Variants in LARGE1 observed in about 807,000 individuals in gnomAD.
LARGE1 encodes the protein xylosyl- and glucuronyltransferase LARGE1.
A neutral mutation model predicts 87.6 loss-of-function variants in LARGE1; 43 were observed. The observed-to-expected ratio is 0.49, with a 90% CI of 0.38 to 0.63. The LOEUF (loss-of-function observed/expected upper bound fraction) is 0.63, where lower values mean the gene tolerates loss of function less well. Ranked by LOEUF, LARGE1 falls within the 30% of genes least tolerant of loss-of-function variation. The pLI is 0.00. For synonymous variants in LARGE1, 434 were observed against 394.6 expected, an observed-to-expected ratio of 1.10 and a Z score of -1.18; for missense variants, 802 against 1,000.2, an observed-to-expected ratio of 0.80 and a Z score of 2.67.
At chr22:33,919,691 G>A (rs982644023) in intron 1 of LARGE1, among the ~76,000 whole-genome samples, 5 of 152,270 alleles carry the variant, frequency 3.3e-5, no homozygotes, top group Admixed American at 2.6e-4. Context: ...CAAGAGGGCC[G>A]GGGGTGCGGG....
At chr22:33,517,810 C>A (rs888430423) in intron 6 of LARGE1, among the ~76,000 whole-genome samples, 3 of 152,178 alleles carry the variant, frequency 2.0e-5, no homozygotes, top group Non-Finnish European at 4.4e-5. Flanking sequence ...CTCAGTCCTG[C>A]ACTATGTCTG....
At chr22:33,690,538 C>T (rs1603162518) in intron 2 of LARGE1, among the ~76,000 whole-genome samples, 1 of 152,060 alleles carries the variant, frequency 6.6e-6, no homozygotes, top group Non-Finnish European at 1.5e-5. Flanking sequence ...ACACCTCATG[C>T]TCCTTCTACT....
intron 11 of LARGE1, among the ~76,000 whole-genome samples, chr22:33,182,107 C>T (rs754205409): frequency 6.1e-4 from 93 of 152,226 alleles, no homozygotes; most frequent in African/African-American, 2.2e-3. Context: ...TAGGCGTGAG[C>T]CACCGCACCC....
chr22:33,690,324 C>T (rs932087709), intron 2 of LARGE1, among the ~76,000 whole-genome samples: 2 of 152,204 alleles, frequency 1.3e-5, no homozygotes, highest in Non-Finnish European at 2.9e-5. Context: ...AAGATAATGG[C>T]CCCCATCTCA....
At chr22:33,284,760 TAG>T (rs1931192224) in intron 12 of LARGE1, among the ~76,000 whole-genome samples, 1 of 152,138 alleles carries the variant, frequency 6.6e-6, no homozygotes, top group Non-Finnish European at 1.5e-5. Context: ...GTATTTTTAG[TAG>T]AGACTGGGTT....
chr22:33,840,622 A>G (rs749637884), intron 1 of LARGE1, among the ~76,000 whole-genome samples: 13 of 152,056 alleles, frequency 8.5e-5, no homozygotes, highest in Admixed American at 3.9e-4. Context: ...CCCTAGATAT[A>G]AGGTAAGTAC....
intron 2 of LARGE1, among the ~76,000 whole-genome samples, chr22:33,700,601 G>A (rs988104475): frequency 6.6e-6 from 1 of 152,208 alleles, no homozygotes; most frequent in African/African-American, 2.4e-5. Context: ...AGGTGAAGAA[G>A]CTGTTCAGAG....
intron 5 of LARGE1, among the ~76,000 whole-genome samples, chr22:33,580,658 A>G (rs1268959921): frequency 6.6e-6 from 1 of 152,192 alleles, no homozygotes; most frequent in Non-Finnish European, 1.5e-5. Context: ...TATACAATGT[A>G]AGGGCAACAC....
downstream of LARGE1, among the ~76,000 whole-genome samples, chr22:33,157,419 T>G (rs940051456): frequency 6.6e-6 from 1 of 152,226 alleles, no homozygotes. Context: ...ACCAATTTCT[T>G]TGCATGGCTT....
chr22:33,524,478 C>T (rs1030569670), intron 6 of LARGE1, among the ~76,000 whole-genome samples: 5 of 151,978 alleles, frequency 3.3e-5, no homozygotes, highest in Non-Finnish European at 7.4e-5. Flanking sequence ...AATTTGTTTA[C>T]TTGAGCAAAA....
rs1299181639 is a variant in LARGE1 at position 33,384,869 on chromosome 22, T to C, written c.893-565A>G. On this transcript the variant is annotated intron_variant, in intron 7 of 14. Transcript: ENST00000397394. ...TCTCTCCTGTGTTTTTCCCCAGAGA[T>C]ATGACCACCTACCTAGGTTGAGCTG... 1.3e-5 allele frequency among the ~76,000 whole-genome samples: 2 copies of C among 148,958 alleles called. 1 individual carries two copies. The highest frequency in any genetic ancestry group is 3.0e-5 in the Non-Finnish European group (2 of 66,556).
chr22:33,500,879 G>A (rs1204830677), intron 6 of LARGE1, among the ~76,000 whole-genome samples: 7 of 152,190 alleles, frequency 4.6e-5, no homozygotes, highest in Non-Finnish European at 7.3e-5. Context: ...CTAAACTACA[G>A]GAAGGATTGC....
At chr22:33,204,940 G>T (rs1395278853) in intron 11 of LARGE1, among the ~76,000 whole-genome samples, 1 of 151,968 alleles carries the variant, frequency 6.6e-6, no homozygotes, top group Non-Finnish European at 1.5e-5. Context: ...CTAGCACATG[G>T]ATGAAATATA....
At chr22:33,096,727 G>A in the LARGE1 span, among the ~76,000 whole-genome samples, 1 of 152,024 alleles carries the variant, frequency 6.6e-6, no homozygotes, top group Non-Finnish European at 1.5e-5. Flanking sequence ...ACTGCGCCCG[G>A]CTAATTTTTT....
intron 1 of LARGE1, among the ~76,000 whole-genome samples, chr22:33,886,820 C>G (rs1361392367): frequency 1.3e-5 from 2 of 152,126 alleles, no homozygotes; most frequent in African/African-American, 2.4e-5. Context: ...ACTGCGCTCA[C>G]CACTGCAGGA....
chr22:33,119,835 C>T, the LARGE1 span, among the ~76,000 whole-genome samples: 2 of 152,118 alleles, frequency 1.3e-5, no homozygotes, highest in Non-Finnish European at 2.9e-5. Context: ...ACCTGTAATG[C>T]TGGTATTTTT....
At chr22:33,479,623 C>T (rs1257543637) in intron 6 of LARGE1, among the ~76,000 whole-genome samples, 1 of 152,160 alleles carries the variant, frequency 6.6e-6, no homozygotes. Context: ...AATTCCTACT[C>T]ACCAACAAAT....
chr22:33,563,732 T>C (rs1309053724), intron 6 of LARGE1, among the ~76,000 whole-genome samples: 2 of 152,230 alleles, frequency 1.3e-5, no homozygotes, highest in Non-Finnish European at 2.9e-5. Context: ...TTTCAACAGC[T>C]GTCCTAAATG....
chr22:33,545,941 G>T (rs2077350285), intron 6 of LARGE1, among the ~76,000 whole-genome samples: 1 of 152,176 alleles, frequency 6.6e-6, no homozygotes, highest in Non-Finnish European at 1.5e-5. Context: ...CTCAACCTCT[G>T]CCTTAGTTCA....
Sources: allele counts gnomAD v4.1 joint callset (sites outside exome capture counted in the v4.1 genomes callset), GRCh38; gene constraint gnomAD v4.1.1; transcripts MANE v1.5; gene names NCBI Gene and HGNC (gene_info 2026-07-23, HGNC 2026-07-21).